FOXN4: variants seen among roughly 807,000 people sequenced by gnomAD.
FOXN4 encodes the protein forkhead box N4, also known as forkhead box protein N4.
Under a neutral mutation model 45.0 loss-of-function variants are expected in FOXN4, and 12 were observed. The ratio of observed to expected loss-of-function variants is 0.27; its 90% confidence interval spans 0.17 to 0.43. The LOEUF (loss-of-function observed/expected upper bound fraction) is 0.43, where lower values mean the gene tolerates loss of function less well. Ranked by LOEUF, FOXN4 falls within the 20% of genes least tolerant of loss-of-function variation. The pLI is 1.00. For synonymous variants in FOXN4, 297 were observed against 295.0 expected (o/e 1.01, Z -0.07); for missense variants, 560 against 694.9 (o/e 0.81, Z 2.18).
chr12:109,297,653 A>G (rs932093086), intron 2 of FOXN4, among the ~76,000 whole-genome samples: 5 of 152,136 alleles, frequency 3.3e-5, no homozygotes, highest in Admixed American at 2.6e-4. Context: ...ATGAGAATCT[A>G]ATGTCGGATG....
At chr12:109,304,081 C>T (rs991084867) in intron 2 of FOXN4, among the ~76,000 whole-genome samples, 1 of 151,084 alleles carries the variant, frequency 6.6e-6, no homozygotes, top group Non-Finnish European at 1.5e-5. Flanking sequence ...ATCCCAGCTA[C>T]TCAGGAGGCT....
intron 2 of FOXN4, among the ~76,000 whole-genome samples, chr12:109,306,908 G>A (rs1405709288): frequency 6.6e-6 from 1 of 152,206 alleles, no homozygotes; most frequent in Non-Finnish European, 1.5e-5. Flanking sequence ...GAAGCCTAGA[G>A]GCCCTTGGCT....
rs751137377 is a variant in FOXN4 at position 109,281,775 on chromosome 12, T to G, written c.926A>C (p.Asp309Ala). The G allele has an allele frequency of 6.3e-7, 1 of 1,591,640 alleles. No homozygotes were observed. Among genetic ancestry groups the G allele is most frequent in the Non-Finnish European group, 8.5e-7 (1 of 1,171,032 alleles). ...GGGGCGCCGGCAGCTTTCAGGCCGG[T>G]CGGAGATCAGCTTGTCCAACTCCTC... ...NPEELDKLIS[D>A]RPESCRRPGK... Residue 309 changes from aspartate to alanine, a missense_variant, in exon 9 of 10, where the codon GAC becomes GCC. Asp to Ala is a moderately radical substitution (Grantham distance 126). This residue lies in a region of FOXN4 where 315 missense variants were observed against 350.5 expected (regional missense o/e 0.90). Coordinates refer to ENST00000299162, the MANE Select transcript of FOXN4 (RefSeq NM_213596.3).
At chr12:109,295,693 G>C (rs945653299) in intron 2 of FOXN4, among the ~76,000 whole-genome samples, 1 of 152,258 alleles carries the variant, frequency 6.6e-6, no homozygotes, top group Non-Finnish European at 1.5e-5. Flanking sequence ...GGCTGAGGCA[G>C]GAGAATTGCT....
intron 2 of FOXN4, among the ~76,000 whole-genome samples, chr12:109,292,068 AG>A (rs947235444): frequency 3.9e-5 from 6 of 152,310 alleles, no homozygotes; most frequent in African/African-American, 1.4e-4. Flanking sequence ...GGTGAGGTGC[AG>A]GGGCAGGGCC....
Position 109,281,767 on chromosome 12 carries a change from C to G in FOXN4, c.934G>C (p.Glu312Gln). ...GGTTTGCCGGGGCGCCGGCAGCTTTCAGGCCGGTCGGAGATCAGCTTGTCC... is the reference window on the plus strand; with the variant it reads ...GGTTTGCCGGGGCGCCGGCAGCTTTGAGGCCGGTCGGAGATCAGCTTGTCC... ...ELDKLISDRP[E>Q]SCRRPGKPGE... The change falls in exon 9 of 10, where the codon GAA (glutamate) becomes CAA (glutamine). Residue 312 changes from glutamate (E) to glutamine (Q), a missense_variant. This residue lies in a region of FOXN4 where 315 missense variants were observed against 350.5 expected (regional missense o/e 0.90). Transcript: ENST00000299162. The G allele has an allele frequency of 6.3e-7, 1 of 1,597,816 alleles. No homozygotes were observed. Among genetic ancestry groups the G allele is most frequent in the Non-Finnish European group, 8.5e-7 (1 of 1,173,540 alleles).
rs1253158209 is a variant in FOXN4 at position 109,286,515 on chromosome 12, C to G, written c.693+133G>C. The G allele has an allele frequency of 7.5e-6, 6 of 805,164 alleles. No individual in the cohort carries two copies. In the East Asian group the frequency reaches 1.6e-4, roughly 21 times the overall value. 49.9% of individuals were successfully genotyped at this position (805,164 alleles called of 1,614,324 possible). ...TTTCTTCTGTGTGAGTGTGTGTGCA[C>G]ATGTCCTAACCACCAGATGTACAGA... On this transcript the variant is annotated intron_variant, in intron 7 of 9. Transcript: ENST00000299162.
intron 7 of FOXN4, 81 bp downstream of exon 7, chr12:109,286,567 C>A: frequency 7.0e-7 from 1 of 1,429,826 alleles, no homozygotes; most frequent in Non-Finnish European, 9.5e-7. Context: ...AGAGGGTTGG[C>A]CCAGGGCCAG....
intron 2 of FOXN4, among the ~76,000 whole-genome samples, chr12:109,304,756 C>T (rs2047906779): frequency 6.6e-6 from 1 of 152,190 alleles, no homozygotes; most frequent in African/African-American, 2.4e-5. Context: ...CTAAGTGGTC[C>T]TTGGAGTCCT....
rs73401949 is a variant in FOXN4, at chr12:109,287,587, C to T, written c.469-63G>A. 3.9e-3 allele frequency: 5,726 copies of T among 1,474,024 alleles called. 142 individuals carry two copies. The African/African-American group carries it at 0.061, about 16-fold the overall frequency. 91.3% of individuals were successfully genotyped at this position (1,474,024 alleles called of 1,614,324 possible). A position where few individuals can be genotyped will look rare whatever the true frequency, so the allele number is the denominator to read the frequency against. The stretch of plus-strand genomic sequence containing the variant: ...AAGAGAGAAGGTGAGAAATAACATA[C>T]GTCACTCACAGTAACACTGTCCCCA... On this transcript the variant is annotated intron_variant, in intron 5 of 9. Transcript: ENST00000299162. This position sits in a 1 kb window ranked among gnomAD's most constrained non-coding sequence, Gnocchi z 4.1.
At chr12:109,282,338 C>G (rs1392361779) in intron 8 of FOXN4, among the ~76,000 whole-genome samples, 1 of 152,022 alleles carries the variant, frequency 6.6e-6, no homozygotes, top group Non-Finnish European at 1.5e-5. Flanking sequence ...GTACCAGCTA[C>G]TTGGGAGGCT....
At chr12:109,308,400 G>T (rs2047939879) in intron 1 of FOXN4, 76 bp from the exon 2 acceptor site, 5 of 989,734 alleles carry the variant, frequency 5.1e-6, no homozygotes, top group African/African-American at 1.7e-5. Context: ...CAGTTTTCCC[G>T]CAATTCAGAA....
chr12:109,302,714 T>C (rs1248826099), intron 2 of FOXN4, among the ~76,000 whole-genome samples: 1 of 152,006 alleles, frequency 6.6e-6, no homozygotes, highest in Non-Finnish European at 1.5e-5. Context: ...GGGGTCTGCC[T>C]GACAAATATT....
intron 2 of FOXN4, among the ~76,000 whole-genome samples, chr12:109,294,087 G>T (rs944542564): frequency 6.6e-6 from 1 of 152,192 alleles, no homozygotes; most frequent in Non-Finnish European, 1.5e-5. Flanking sequence ...TCTTCCGGGG[G>T]AGATGCCCCA....
chr12:109,299,318 C>G (rs1442153392), intron 2 of FOXN4, among the ~76,000 whole-genome samples: 1 of 152,190 alleles, frequency 6.6e-6, no homozygotes, highest in African/African-American at 2.4e-5. Context: ...CAGACACACA[C>G]ACGCACGCAT....
Position 109,281,401 on chromosome 12 carries a change from C to A in FOXN4, c.1294+6G>T, listed in dbSNP as rs780322088. ...CATTCCCATCACTCCATTCCTCCAG[C>A]CTCACCCTGCAGAGCGAAGTCCATG... On this transcript the variant is annotated splice_donor_region_variant and intron_variant, in intron 9 of 9. Coordinates refer to ENST00000299162, the MANE Select transcript of FOXN4 (RefSeq NM_213596.3). The A allele has an allele frequency of 3.1e-6, 5 of 1,613,408 alleles. No individual in the cohort carries two copies. The highest frequency in any genetic ancestry group is 4.2e-6 in the Non-Finnish European group (5 of 1,179,652).
At position 109,290,948 on chromosome 12, in the gene FOXN4, C is replaced by T. The variant is rs2047761490; in HGVS notation, c.87-662G>A. ...AGCTGCTGTGAGATGTAGGGTGGGC[C>T]CATACTCCCCTCGTACAGATGAGAA... On this transcript the variant is annotated intron_variant, in intron 2 of 9. Coordinates refer to ENST00000299162, the MANE Select transcript of FOXN4 (RefSeq NM_213596.3). This position sits in a 1 kb window ranked among gnomAD's most constrained non-coding sequence, Gnocchi z 5.1. Among the ~76,000 whole-genome samples, 1 of 152,126 alleles carries T rather than the reference C, an allele frequency of 6.6e-6. No individual in the cohort carries two copies. Among genetic ancestry groups the T allele is most frequent in the South Asian group, 2.1e-4 (1 of 4,826 alleles).
In FOXN4 at chr12:109,287,528, C is replaced by T. The variant is rs1217118439; in HGVS notation, c.469-4G>A. ...CATAGAGGCCCACAGGAGGGCACTTCCCACAGGCAGGGGCAGGGAGAAAGT... is the reference window on the plus strand; with the variant it reads ...CATAGAGGCCCACAGGAGGGCACTTTCCACAGGCAGGGGCAGGGAGAAAGT... On this transcript the variant is annotated splice_region_variant and splice_polypyrimidine_tract_variant and intron_variant, in intron 5 of 9. Coordinates refer to ENST00000299162, the MANE Select transcript of FOXN4 (RefSeq NM_213596.3). This position sits in a 1 kb window ranked among gnomAD's most constrained non-coding sequence, Gnocchi z 4.1. 6.6e-7 allele frequency: 1 copy of T among 1,521,544 alleles called. No individual in the cohort carries two copies. The highest frequency in any genetic ancestry group is 2.3e-5 in the Admixed American group (1 of 43,794). 94.3% of individuals were successfully genotyped at this position (1,521,544 alleles called of 1,614,324 possible).
Position 109,291,839 on chromosome 12 carries a change from A to G in FOXN4, c.87-1553T>C, listed in dbSNP as rs1203547216. 6.6e-6 allele frequency among the ~76,000 whole-genome samples: 1 copy of G among 151,876 alleles called. No homozygotes were observed. Among genetic ancestry groups the G allele is most frequent in the Admixed American group, 6.6e-5 (1 of 15,260 alleles). On this transcript the variant is annotated intron_variant, in intron 2 of 9. Coordinates refer to ENST00000299162, the MANE Select transcript of FOXN4 (RefSeq NM_213596.3). This position sits in a 1 kb window ranked among gnomAD's most constrained non-coding sequence, Gnocchi z 6.6. ...TCCGGCTGCTGTCCCCCGGCATCCC[A>G]TTGTGTGACAAACGACTGTTGCCCC...
Sources: gnomAD v4.1 joint callset for allele counts (sites outside exome capture counted in the v4.1 genomes callset) on GRCh38, gnomAD v4.1.1 for gene constraint, gnomAD v4.1.1 regional missense constraint, Gnocchi (gnomAD v3.1) non-coding constraint, MANE v1.5 for transcripts, NCBI Gene and HGNC (gene_info 2026-07-23, HGNC 2026-07-21) for gene names.